The following METTL9 variants were observed in gnomAD, a reference collection of about 807,000 sequenced individuals.
METTL9 encodes methyltransferase 9, His-X-His N1(pi)-histidine.
A neutral mutation model predicts 36.0 loss-of-function variants in METTL9; 10 were observed. That is an observed-to-expected ratio of 0.28 (90% CI 0.17 to 0.47). The LOEUF (loss-of-function observed/expected upper bound fraction) is 0.47. METTL9 is among the 20% of genes least tolerant of loss of function. METTL9 has a pLI of 0.99. For synonymous variants in METTL9, 175 were observed against 149.7 expected (o/e 1.17, Z -1.23); for missense variants, 246 against 383.5 (o/e 0.64, Z 3.00).
At chr16:21,650,728 T>C (rs1966551420) in intron 4 of METTL9, among the ~76,000 whole-genome samples, 1 of 152,090 alleles carries the variant, frequency 6.6e-6, no homozygotes, top group Non-Finnish European at 1.5e-5. Context: ...GAAACTGTGG[T>C]TCCCTCCCCC....
intron 4 of METTL9, among the ~76,000 whole-genome samples, chr16:21,648,483 T>C (rs1226268884): frequency 1.3e-5 from 2 of 152,192 alleles, no homozygotes; most frequent in African/African-American, 4.8e-5. Flanking sequence ...GTCAGATGGC[T>C]GTTGGAGAGA....
In METTL9 at chr16:21,599,589, A is replaced by C. The variant is rs748179233; in HGVS notation, c.-145A>C. 2 of 1,303,498 alleles carry C rather than the reference A, an allele frequency of 1.5e-6. No individual in the cohort carries two copies. Among genetic ancestry groups the C allele is most frequent in the East Asian group, 3.3e-5 (1 of 30,418 alleles). The allele number at this position is 1,303,498 out of a possible 1,614,324, so 80.7% of individuals were successfully genotyped here. A position where few individuals can be genotyped will look rare whatever the true frequency, so the allele number is the denominator to read the frequency against. Reference sequence around the variant, plus strand: ...GCGCCGGCTGCTCCTCCCCACCCCCAGCCTTTGCCCTGAAGGGGGCTGGAT... The same window carrying C: ...GCGCCGGCTGCTCCTCCCCACCCCCCGCCTTTGCCCTGAAGGGGGCTGGAT... On this transcript the variant is annotated 5_prime_UTR_variant, in exon 1 of 5. Coordinates refer to ENST00000358154, the MANE Select transcript of METTL9 (RefSeq NM_016025.5). The surrounding 1 kb of genome is among the most constrained non-coding windows in gnomAD (Gnocchi z 4.4).
rs943644897 is a variant in METTL9, at chr16:21,652,536, A to C, written c.752-2691A>C. 1.9e-6 allele frequency: 3 copies of C among 1,610,532 alleles called. No homozygotes were observed. The African/African-American group carries it at 4.0e-5, about 22-fold the overall frequency. On this transcript the variant is annotated intron_variant, in intron 4 of 4. Transcript: ENST00000358154. Reference sequence around the variant, plus strand: ...GGAGAAGAAAAAGAACCTTACCGACACAAAATAGAATGAGATTGGTTTGCA... The same window carrying C: ...GGAGAAGAAAAAGAACCTTACCGACCCAAAATAGAATGAGATTGGTTTGCA...
chr16:21,598,842 T>A (rs997226711), upstream of METTL9, among the ~76,000 whole-genome samples: 1 of 152,154 alleles, frequency 6.6e-6, no homozygotes, highest in Non-Finnish European at 1.5e-5. Flanking sequence ...GGCAGGGCCA[T>A]CAATACATCT....
chr16:21,626,677 T>G (rs183391295), intron 4 of METTL9: 1 of 152,390 alleles, frequency 6.6e-6, no homozygotes, highest in East Asian at 1.9e-4. Flanking sequence ...ATCTATATGT[T>G]GCAAAATGTC....
At chr16:21,601,248 C>G (rs970403048) in intron 1 of METTL9, among the ~76,000 whole-genome samples, 1 of 152,134 alleles carries the variant, frequency 6.6e-6, no homozygotes, top group Non-Finnish European at 1.5e-5. Flanking sequence ...TTTGCTTACA[C>G]TAGTTCATTC....
chr16:21,610,975 T>C (rs1965412518), intron 1 of METTL9, among the ~76,000 whole-genome samples: 2 of 152,128 alleles, frequency 1.3e-5, no homozygotes, highest in Admixed American at 1.3e-4. Flanking sequence ...TGACCTGCAC[T>C]GGAGCATAAC....
At chr16:21,651,277 A>G (rs1161682060) in intron 4 of METTL9, among the ~76,000 whole-genome samples, 1 of 152,096 alleles carries the variant, frequency 6.6e-6, no homozygotes, top group Non-Finnish European at 1.5e-5. Flanking sequence ...CTTGACATTT[A>G]AACAAAGCTG....
chr16:21,640,964 TA>T (rs1966248585), intron 4 of METTL9: 2 of 152,174 alleles, frequency 1.3e-5, no homozygotes, highest in Admixed American at 1.3e-4. Flanking sequence ...TTTATGGTCT[TA>T]CTCTAGCCAC....
chr16:21,621,954 C>T (rs192464445), intron 3 of METTL9, among the ~76,000 whole-genome samples: 2 of 149,718 alleles, frequency 1.3e-5, no homozygotes, highest in South Asian at 2.1e-4. Flanking sequence ...GTGCAGCCTC[C>T]GCCTCAGCCT....
intron 4 of METTL9, chr16:21,647,077 T>C: frequency 6.2e-7 from 1 of 1,611,992 alleles, no homozygotes. Context: ...AGGTAATGAT[T>C]TTACAGGCCT....
intron 3 of METTL9, among the ~76,000 whole-genome samples, chr16:21,620,589 A>G (rs1266658659): frequency 2.0e-5 from 3 of 152,200 alleles, no homozygotes; most frequent in Non-Finnish European, 4.4e-5. Context: ...AATTAGTAAT[A>G]TATCTGGAGT....
chr16:21,627,053 C>T, intron 4 of METTL9: 2 of 985,408 alleles, frequency 2.0e-6, no homozygotes, highest in Non-Finnish European at 2.4e-6. Flanking sequence ...TGGCATGTGA[C>T]ACACTGCAGA....
intron 1 of METTL9, among the ~76,000 whole-genome samples, chr16:21,611,011 TAGAAAATCATTA>T (rs1162567940): frequency 1.3e-5 from 2 of 152,062 alleles, no homozygotes; most frequent in Non-Finnish European, 2.9e-5. Flanking sequence ...TATTAAGAAT[TAGAAAATCATTA>T]AGCAAGAACA....
chr16:21,643,895 C>T (rs372032854), intron 4 of METTL9, among the ~76,000 whole-genome samples: 28 of 152,058 alleles, frequency 1.8e-4, no homozygotes, highest in African/African-American at 5.6e-4. Flanking sequence ...GATTTTAAGG[C>T]GGCTTTTAGT....
chr16:21,654,955 G>GCCT (rs1476004235), intron 4 of METTL9: 4 of 469,586 alleles, frequency 8.5e-6, no homozygotes, highest in African/African-American at 7.8e-5. Context: ...AGATAACAGT[G>GCCT]TGGGGCCTTG....
At chr16:21,652,675 G>T (rs1298293662) in intron 4 of METTL9, 3 of 1,107,590 alleles carry the variant, frequency 2.7e-6, no homozygotes, top group East Asian at 4.9e-5. Flanking sequence ...GGGAAGAAGA[G>T]CTGAAGAGAG....
chr16:21,602,046 C>T (rs999827750), intron 1 of METTL9, among the ~76,000 whole-genome samples: 1 of 152,090 alleles, frequency 6.6e-6, no homozygotes, highest in Non-Finnish European at 1.5e-5. Flanking sequence ...ATTCCAGGAT[C>T]CTGGGTTTGC....
At chr16:21,627,933 A>T (rs1965851577) in intron 4 of METTL9, among the ~76,000 whole-genome samples, 1 of 152,198 alleles carries the variant, frequency 6.6e-6, no homozygotes, top group Non-Finnish European at 1.5e-5. Context: ...AGCCTGGGTG[A>T]CAGAGCCAGA....
Sources: gnomAD v4.1 joint callset for allele counts (sites outside exome capture counted in the v4.1 genomes callset) on GRCh38, gnomAD v4.1.1 for gene constraint, Gnocchi (gnomAD v3.1) non-coding constraint, MANE v1.5 for transcripts, NCBI Gene and HGNC (gene_info 2026-07-23, HGNC 2026-07-21) for gene names.